The following RALGPS1 variants were observed in gnomAD, a reference collection of about 807,000 sequenced individuals.
RALGPS1 encodes the protein Ral GEF with PH domain and SH3 binding motif 1.
Under a neutral mutation model 78.8 loss-of-function variants are expected in RALGPS1, and 19 were observed. The ratio of observed to expected loss-of-function variants is 0.24; its 90% CI spans 0.17 to 0.35. RALGPS1 has a LOEUF of 0.35. RALGPS1 is among the 10% of genes least tolerant of loss of function. The probability of loss-of-function intolerance (pLI) is 1.00; values close to 1 mark genes in which losing one functional copy is unlikely to be tolerated. For synonymous variants in RALGPS1, 228 were observed against 256.3 expected, an observed-to-expected ratio of 0.89 and a Z score of 1.06; for missense variants, 454 against 688.3, an observed-to-expected ratio of 0.66 and a Z score of 3.81.
At chr9:126,954,622 A>C (rs1183984275) in intron 1 of RALGPS1, among the ~76,000 whole-genome samples, 2 of 152,060 alleles carry the variant, frequency 1.3e-5, no homozygotes, top group Non-Finnish European at 2.9e-5. Flanking sequence ...CCCCATCTCT[A>C]CTAAAAATAC....
Position 126,998,269 on chromosome 9 carries a change from C to T in RALGPS1, c.216+20524C>T, listed in dbSNP as rs551729967. ...TGGGAGAAAACTTTTGCAACCTACT[C>T]ATCTGACAAAGGGCTAATACCTAGA... On this transcript the variant is annotated intron_variant, in intron 4 of 18. Transcript: ENST00000259351. 7.2e-5 allele frequency among the ~76,000 whole-genome samples: 11 copies of T among 152,312 alleles called. No individual in the cohort carries two copies. The South Asian group carries it at 1.2e-3, about 17-fold the overall frequency.
intron 8 of RALGPS1, among the ~76,000 whole-genome samples, chr9:127,161,446 C>T (rs1432877648): frequency 6.6e-6 from 1 of 152,188 alleles, no homozygotes; most frequent in African/African-American, 2.4e-5. Context: ...AGTGGGAGAG[C>T]CTGGGTTCCG....
At chr9:126,924,995 C>T (rs2035130739) in intron 1 of RALGPS1, among the ~76,000 whole-genome samples, 2 of 152,254 alleles carry the variant, frequency 1.3e-5, no homozygotes, top group East Asian at 1.9e-4. Flanking sequence ...GGCATGGTGG[C>T]ACATGCCTGT....
At chr9:126,930,094 A>T (rs958656785) in intron 1 of RALGPS1, among the ~76,000 whole-genome samples, 1 of 151,952 alleles carries the variant, frequency 6.6e-6, no homozygotes, top group African/African-American at 2.4e-5. Flanking sequence ...GCCTTCTGAG[A>T]ATCTGGGATT....
At chr9:127,135,005 C>T (rs1403540434) in intron 8 of RALGPS1, among the ~76,000 whole-genome samples, 1 of 152,216 alleles carries the variant, frequency 6.6e-6, no homozygotes, top group East Asian at 1.9e-4. Context: ...AGACAGCACT[C>T]ATCTCTGCTG....
At chr9:127,005,976 T>A (rs1240410279) in intron 4 of RALGPS1, among the ~76,000 whole-genome samples, 1 of 152,196 alleles carries the variant, frequency 6.6e-6, no homozygotes, top group African/African-American at 2.4e-5. Flanking sequence ...CAGAGACCAA[T>A]AGATGTGAAT....
intron 7 of RALGPS1, among the ~76,000 whole-genome samples, chr9:127,064,568 G>A (rs2049510471): frequency 6.6e-6 from 1 of 152,094 alleles, no homozygotes; most frequent in South Asian, 2.1e-4. Context: ...TCAGTTTATT[G>A]GCTTCTTCTA....
chr9:126,950,208 T>G (rs923811150), intron 1 of RALGPS1, among the ~76,000 whole-genome samples: 6 of 152,236 alleles, frequency 3.9e-5, no homozygotes, highest in South Asian at 2.1e-4. Context: ...GCTGTTTTGG[T>G]TACTGTAGCC....
intron 8 of RALGPS1, among the ~76,000 whole-genome samples, chr9:127,087,137 G>A (rs971034358): frequency 2.2e-4 from 34 of 152,150 alleles, no homozygotes. Flanking sequence ...GTGGGGAAGT[G>A]GAGCTCCAGA....
intron 8 of RALGPS1, among the ~76,000 whole-genome samples, chr9:127,104,334 C>T (rs1225956587): frequency 1.3e-5 from 2 of 152,202 alleles, no homozygotes; most frequent in Non-Finnish European, 2.9e-5. Context: ...ATGTGTGGCT[C>T]TGCCTTGGGT....
intron 5 of RALGPS1, among the ~76,000 whole-genome samples, chr9:127,037,726 A>G (rs1343683543): frequency 6.6e-6 from 1 of 152,244 alleles, no homozygotes; most frequent in Admixed American, 6.5e-5. Flanking sequence ...GGGCAACCTC[A>G]GGAGAAAAGA....
intron 8 of RALGPS1, among the ~76,000 whole-genome samples, chr9:127,102,329 T>A (rs546772735): frequency 2.0e-5 from 3 of 151,696 alleles, no homozygotes; most frequent in African/African-American, 7.3e-5. Context: ...TAATACTACT[T>A]TATTTATTTT....
intron 4 of RALGPS1, among the ~76,000 whole-genome samples, chr9:126,993,659 C>T (rs1588893650): frequency 6.6e-6 from 1 of 152,056 alleles, no homozygotes; most frequent in East Asian, 1.9e-4. Context: ...TCTGCATTTC[C>T]AACTGAGCTT....
intron 9 of RALGPS1, among the ~76,000 whole-genome samples, chr9:127,166,801 A>C (rs781412178): frequency 2.0e-5 from 3 of 152,220 alleles, no homozygotes; most frequent in Non-Finnish European, 4.4e-5. Flanking sequence ...CACGTGGCCA[A>C]ATCCACAGTG....
At chr9:126,996,201 T>TA (rs1469399522) in intron 4 of RALGPS1, among the ~76,000 whole-genome samples, 1 of 151,816 alleles carries the variant, frequency 6.6e-6, no homozygotes, top group Non-Finnish European at 1.5e-5. Flanking sequence ...CTGAAGGAAA[T>TA]AGAGACACAA....
At chr9:127,135,755 T>G (rs2057353279) in intron 8 of RALGPS1, among the ~76,000 whole-genome samples, 1 of 152,132 alleles carries the variant, frequency 6.6e-6, no homozygotes, top group African/African-American at 2.4e-5. Context: ...GCAAGGGGAC[T>G]TGGTAAAGAG....
intron 4 of RALGPS1, among the ~76,000 whole-genome samples, chr9:127,025,805 C>T (rs1232465785): frequency 1.3e-5 from 2 of 152,050 alleles, no homozygotes; most frequent in Non-Finnish European, 2.9e-5. Context: ...AATCCTCCTG[C>T]CTCAGCCTCC....
rs75461105 is a variant in RALGPS1 at position 127,072,685 on chromosome 9, G to A, written c.610+3329G>A. Among the ~76,000 whole-genome samples the A allele has an allele frequency of 5.6e-3, 859 of 152,250 alleles. 26 individuals are homozygous for A. In the East Asian group the frequency reaches 0.084, roughly 15 times the overall value. ...ATGTCTCAAATTAATCTATAATTGC[G>A]TTGTAATGTTCAAATTATAAATTTT... On this transcript the variant is annotated intron_variant, in intron 8 of 18. Coordinates refer to ENST00000259351, the MANE Select transcript of RALGPS1 (RefSeq NM_014636.3).
intron 12 of RALGPS1, among the ~76,000 whole-genome samples, chr9:127,195,869 A>G (rs7030134): frequency 0.052 from 7,735 of 149,558 alleles, 677 homozygotes; most frequent in African/African-American, 0.18. Context: ...TCCAAGGCAC[A>G]AGCTCAGCCC....
Sources: allele counts gnomAD v4.1 joint callset (sites outside exome capture counted in the v4.1 genomes callset), GRCh38; gene constraint gnomAD v4.1.1; transcripts MANE v1.5; gene names NCBI Gene and HGNC (gene_info 2026-07-23, HGNC 2026-07-21).